MGAT5: variants seen among roughly 807,000 people sequenced by gnomAD.
The protein encoded by MGAT5 is alpha-1,6-mannosylglycoprotein 6-beta-N-acetylglucosaminyltransferase A.
In MGAT5, 30 loss-of-function variants were observed where a neutral mutation model predicts 94.3. The ratio of observed to expected loss-of-function variants is 0.32; its 90% CI spans 0.24 to 0.43. MGAT5 has a LOEUF of 0.43. MGAT5 is among the 20% of genes least tolerant of loss of function. The probability of loss-of-function intolerance (pLI) is 1.00; values close to 1 mark genes in which losing one functional copy is unlikely to be tolerated. For synonymous variants in MGAT5, 310 were observed against 322.9 expected (o/e 0.96, Z 0.43); for missense variants, 691 against 905.5 (o/e 0.76, Z 3.04).
chr2:134,244,484 G>C (rs1164763050), intron 1 of MGAT5, among the ~76,000 whole-genome samples: 1 of 152,142 alleles, frequency 6.6e-6, no homozygotes, highest in African/African-American at 2.4e-5. Flanking sequence ...TCAGTGCCCA[G>C]ACAGCACTGA....
rs376839530 is a variant in MGAT5, at chr2:134,221,994, T to A, written c.-142-32268T>A. On this transcript the variant is annotated intron_variant, in intron 1 of 16. Transcript: ENST00000409645. ...TGTCTGATCTGGTCATTTGTCCAGG[T>A]CCCACGGTGCTAGAAAGGCTTGTTC... is the stretch of plus-strand genomic sequence containing the variant. Among the ~76,000 whole-genome samples the A allele has an allele frequency of 1.6e-4, 24 of 152,266 alleles. 2 individuals are homozygous for A. Among genetic ancestry groups the A allele is most frequent in the African/African-American group, 5.8e-4 (24 of 41,546 alleles).
chr2:134,228,768 G>A (rs73960807), intron 1 of MGAT5, among the ~76,000 whole-genome samples: 1,990 of 152,254 alleles, frequency 0.013, 52 homozygotes, highest in African/African-American at 0.045. Flanking sequence ...GTCTTGTAGC[G>A]GAGTGTTGCC....
chr2:134,296,436 A>G (rs1458727219), intron 2 of MGAT5, among the ~76,000 whole-genome samples: 1 of 152,014 alleles, frequency 6.6e-6, no homozygotes, highest in Non-Finnish European at 1.5e-5. Flanking sequence ...GTTTTTATTG[A>G]TGGAAGGTTA....
chr2:134,183,198 C>T (rs1161270850), intron 1 of MGAT5, among the ~76,000 whole-genome samples: 1 of 152,164 alleles, frequency 6.6e-6, no homozygotes, highest in Non-Finnish European at 1.5e-5. Context: ...GTGGTAGAGT[C>T]ACAAAAATTC....
At chr2:134,385,542 T>C (rs1445085867) in intron 10 of MGAT5, among the ~76,000 whole-genome samples, 1 of 152,218 alleles carries the variant, frequency 6.6e-6, no homozygotes. Context: ...CTATGGCTCC[T>C]GACTTCAGAA....
intron 1 of MGAT5, among the ~76,000 whole-genome samples, chr2:134,155,938 CATT>C (rs2105036939): frequency 6.6e-6 from 1 of 152,252 alleles, no homozygotes; most frequent in African/African-American, 2.4e-5. Context: ...AGCAGATCCC[CATT>C]ATTCTCTGCT....
chr2:134,293,446 T>A (rs1321563005), intron 2 of MGAT5, among the ~76,000 whole-genome samples: 1 of 151,904 alleles, frequency 6.6e-6, no homozygotes, highest in African/African-American at 2.4e-5. Flanking sequence ...TTCTTATTCC[T>A]CCCCCACTTC....
chr2:134,428,675 G>A (rs1684720813), intron 14 of MGAT5, among the ~76,000 whole-genome samples: 1 of 152,216 alleles, frequency 6.6e-6, no homozygotes, highest in African/African-American at 2.4e-5. Context: ...TATAACAAGA[G>A]AGATGGGATG....
intron 2 of MGAT5, among the ~76,000 whole-genome samples, chr2:134,275,836 C>A (rs1247868778): frequency 1.3e-5 from 2 of 152,044 alleles, no homozygotes; most frequent in African/African-American, 4.8e-5. Flanking sequence ...GATCCTCCCA[C>A]CTCAGCCTCC....
rs969410718 is a variant in MGAT5, at chr2:134,453,643, G to A, written c.*4796G>A. The stretch of plus-strand genomic sequence containing the variant: ...GCTGGGGTGGCCCCTCCTGTCCTCA[G>A]GGATCAGACTCCCAGACTGGTTAGT... On this transcript the variant is annotated 3_prime_UTR_variant, in exon 16 of 16. Coordinates refer to ENST00000281923, the MANE Select transcript of MGAT5 (RefSeq NM_002410.5). 6.6e-6 allele frequency: 1 copy of A among 152,128 alleles called. No homozygotes were observed. Among genetic ancestry groups the A allele is most frequent in the Non-Finnish European group, 1.5e-5 (1 of 68,048 alleles). The allele number at this position is 152,128 out of a possible 1,614,324, so 9.4% of individuals were successfully genotyped here.
intron 1 of MGAT5, among the ~76,000 whole-genome samples, chr2:134,238,356 T>C (rs1003245797): frequency 6.6e-6 from 1 of 152,214 alleles, no homozygotes; most frequent in African/African-American, 2.4e-5. Flanking sequence ...GATTTTCTTA[T>C]AGTGGTAATT....
intron 1 of MGAT5, among the ~76,000 whole-genome samples, chr2:134,171,166 A>G (rs983262597): frequency 3.3e-5 from 5 of 152,248 alleles, no homozygotes; most frequent in East Asian, 3.9e-4. Context: ...CGGCCGAGAT[A>G]TATTTCCAAA....
chr2:134,353,831 A>G (rs1304987205), intron 9 of MGAT5, among the ~76,000 whole-genome samples: 1 of 152,190 alleles, frequency 6.6e-6, no homozygotes, highest in Non-Finnish European at 1.5e-5. Context: ...GAATAGAGAA[A>G]TAAAGCAGTT....
rs78873587 is a variant in MGAT5, at chr2:134,331,432, G to A, written c.574-4785G>A. 7.9e-3 allele frequency among the ~76,000 whole-genome samples: 1,209 copies of A among 152,192 alleles called. 14 individuals are homozygous for A. The highest frequency in any genetic ancestry group is 0.028 in the African/African-American group (1,166 of 41,536). On this transcript the variant is annotated intron_variant, in intron 4 of 15. Transcript: ENST00000281923. Reference sequence around the variant, plus strand: ...TTTGCTTTCCAATTGAAGGTTACTGGAGGAATGCTTCTCCTCAATCGATTG... The same window carrying A: ...TTTGCTTTCCAATTGAAGGTTACTGAAGGAATGCTTCTCCTCAATCGATTG...
chr2:134,248,589 C>G (rs893955292), intron 1 of MGAT5, among the ~76,000 whole-genome samples: 1 of 152,152 alleles, frequency 6.6e-6, no homozygotes, highest in African/African-American at 2.4e-5. Context: ...ATGTAGGCTC[C>G]TTAGCCACCA....
At chr2:134,328,277 T>C (rs1687761164) in intron 4 of MGAT5, among the ~76,000 whole-genome samples, 1 of 152,084 alleles carries the variant, frequency 6.6e-6, no homozygotes, top group African/African-American at 2.4e-5. Context: ...TCTGGCCCTG[T>C]ACTCTGTCTC....
intron 11 of MGAT5, among the ~76,000 whole-genome samples, chr2:134,408,622 C>G (rs1304532031): frequency 6.6e-6 from 1 of 152,156 alleles, no homozygotes; most frequent in Non-Finnish European, 1.5e-5. Flanking sequence ...GTCTTCAGGT[C>G]ACATGAGTCA....
At chr2:134,155,920 C>G (rs1033614415) in intron 1 of MGAT5, among the ~76,000 whole-genome samples, 4 of 152,152 alleles carry the variant, frequency 2.6e-5, no homozygotes, top group African/African-American at 9.7e-5. Context: ...CTGGACCCCT[C>G]AGCTGAGAGC....
chr2:134,282,991 G>GA (rs35915258), intron 2 of MGAT5, among the ~76,000 whole-genome samples: 3,481 of 138,184 alleles, frequency 0.025, 133 homozygotes, highest in African/African-American at 0.086. Flanking sequence ...AACCAAAACC[G>GA]AAAAAAAAAA....
Sources: allele counts gnomAD v4.1 joint callset (sites outside exome capture counted in the v4.1 genomes callset), GRCh38; gene constraint gnomAD v4.1.1; transcripts MANE v1.5; gene names NCBI Gene and HGNC (gene_info 2026-07-23, HGNC 2026-07-21).